Variants in HS6ST2 observed in about 807,000 individuals in gnomAD.
HS6ST2 encodes heparan-sulfate 6-O-sulfotransferase 2.
In HS6ST2, 17 loss-of-function variants were observed where a neutral mutation model predicts 33.0. That is an observed-to-expected ratio of 0.52 (90% CI 0.35 to 0.77). The LOEUF is 0.77. Ranked by LOEUF, HS6ST2 falls within the 30% of genes least tolerant of loss-of-function variation. The pLI, the probability that HS6ST2 is intolerant of heterozygous loss-of-function variation, is 0.01. For missense variants in HS6ST2, 519 were observed against 551.7 expected (o/e 0.94, Z 0.59); for synonymous variants, 248 against 237.1 (o/e 1.05, Z -0.42).
chrX:132,721,335 G>C (rs1363661642), intron 2 of HS6ST2, among the ~76,000 whole-genome samples: 1 of 111,977 alleles, frequency 8.9e-6, no homozygotes, highest in South Asian at 3.7e-4. Context: ...ATGAAGAGTG[G>C]ATAATGAAGA....
intron 3 of HS6ST2, among the ~76,000 whole-genome samples, chrX:132,705,319 C>T (rs759981646): frequency 1.3e-4 from 14 of 110,371 alleles, no homozygotes; most frequent in Admixed American, 5.8e-4. Context: ...TGCAAAAGTG[C>T]CAGAATCTCC....
intron 2 of HS6ST2, among the ~76,000 whole-genome samples, chrX:132,950,663 C>A (rs990216881): frequency 2.7e-5 from 3 of 111,586 alleles, no homozygotes; most frequent in Non-Finnish European, 5.6e-5. Context: ...AGTTGGGGGT[C>A]CTATGTTGTA....
chrX:132,919,502 G>A (rs1602873180), intron 2 of HS6ST2, among the ~76,000 whole-genome samples: 2 of 111,957 alleles, frequency 1.8e-5, no homozygotes, highest in East Asian at 5.6e-4. Context: ...AGATTTATAG[G>A]AGCTGAAAAA....
chrX:132,663,523 T>C (rs1477075647), intron 4 of HS6ST2, among the ~76,000 whole-genome samples: 1 of 112,370 alleles, frequency 8.9e-6, no homozygotes, highest in East Asian at 2.8e-4. Flanking sequence ...CGTCTTTTTC[T>C]ACAAAGGTGC....
chrX:132,753,436 C>T (rs1406187348), intron 2 of HS6ST2, among the ~76,000 whole-genome samples: 2 of 111,298 alleles, frequency 1.8e-5, no homozygotes, highest in Non-Finnish European at 3.8e-5. Flanking sequence ...ATAATTGACT[C>T]ATGGGGGCCG....
At chrX:132,728,645 T>C (rs2064422133) in intron 2 of HS6ST2, among the ~76,000 whole-genome samples, 1 of 111,831 alleles carries the variant, frequency 8.9e-6, no homozygotes, top group Middle Eastern at 4.2e-3. Context: ...CAGGAGGTGA[T>C]TTTATAAAAG....
intron 2 of HS6ST2, among the ~76,000 whole-genome samples, chrX:132,782,297 A>T (rs756351997): frequency 8.9e-6 from 1 of 111,891 alleles, no homozygotes; most frequent in African/African-American, 3.2e-5. Context: ...TCTGAGAGCC[A>T]TGGAACAGTT....
intron 3 of HS6ST2, among the ~76,000 whole-genome samples, chrX:132,675,203 G>T (rs1284244704): frequency 9.0e-6 from 1 of 110,562 alleles, no homozygotes; most frequent in African/African-American, 3.3e-5. Flanking sequence ...TTAGAGAAAT[G>T]GAACTGGAGC....
intron 3 of HS6ST2, among the ~76,000 whole-genome samples, chrX:132,707,439 T>C (rs1429277647): frequency 8.9e-6 from 1 of 112,616 alleles, no homozygotes. Context: ...AGTAAATCCA[T>C]TGAGGCTCTA....
intron 2 of HS6ST2, among the ~76,000 whole-genome samples, chrX:132,950,205 G>A (rs1050914101): frequency 2.7e-5 from 3 of 111,337 alleles, no homozygotes; most frequent in East Asian, 2.8e-4. Context: ...CCACTCCTAC[G>A]AAGGCAGGGA....
At chrX:132,865,547 C>A (rs1485372231) in intron 2 of HS6ST2, among the ~76,000 whole-genome samples, 2 of 110,667 alleles carry the variant, frequency 1.8e-5, no homozygotes, top group East Asian at 2.9e-4. Flanking sequence ...CCTGAGGAAT[C>A]ACCACACTGA....
chrX:132,651,770 C>A (rs1280185846), intron 4 of HS6ST2, among the ~76,000 whole-genome samples: 1 of 111,559 alleles, frequency 9.0e-6, no homozygotes, highest in Non-Finnish European at 1.9e-5. Context: ...CACTGCTGGG[C>A]CTGCCTGCCT....
chrX:132,635,426 C>T (rs1012039222), intron 4 of HS6ST2, among the ~76,000 whole-genome samples: 4 of 111,530 alleles, frequency 3.6e-5, no homozygotes, highest in Admixed American at 9.5e-5. Context: ...CCTGTCATTC[C>T]CTAATTAAGC....
intron 3 of HS6ST2, among the ~76,000 whole-genome samples, chrX:132,673,248 T>A (rs187878273): frequency 1.8e-5 from 2 of 112,529 alleles, no homozygotes; most frequent in East Asian, 5.6e-4. Flanking sequence ...AAATGGGCAG[T>A]CAAGAGGTAT....
intron 2 of HS6ST2, among the ~76,000 whole-genome samples, chrX:132,905,566 G>A (rs1334478611): frequency 9.0e-6 from 1 of 111,479 alleles, no homozygotes; most frequent in Non-Finnish European, 1.9e-5. Flanking sequence ...CTCAAATTCT[G>A]TTCCACTGGT....
At chrX:132,864,793 A>G (rs771913377) in intron 2 of HS6ST2, among the ~76,000 whole-genome samples, 1 of 110,236 alleles carries the variant, frequency 9.1e-6, no homozygotes, top group Non-Finnish European at 1.9e-5. Context: ...AGCAACCCTA[A>G]GACACGTAAT....
At chrX:132,865,374 T>C (rs2065962414) in intron 2 of HS6ST2, among the ~76,000 whole-genome samples, 2 of 110,763 alleles carry the variant, frequency 1.8e-5, no homozygotes, top group Non-Finnish European at 3.8e-5. Flanking sequence ...ATCCAGTCTA[T>C]CATTGTTGGA....
chrX:132,662,708 C>T (rs766594403), intron 4 of HS6ST2, among the ~76,000 whole-genome samples: 2 of 112,522 alleles, frequency 1.8e-5, no homozygotes, highest in South Asian at 7.4e-4. Context: ...ATATCCTAAC[C>T]ATCACAGAGA....
chrX:132,733,189 C>G (rs2064475691), intron 2 of HS6ST2, among the ~76,000 whole-genome samples: 1 of 111,822 alleles, frequency 8.9e-6, no homozygotes, highest in Non-Finnish European at 1.9e-5. Flanking sequence ...CTTTAGACAG[C>G]CCTGCAGTTC....
Sources: allele counts gnomAD v4.1 joint callset (sites outside exome capture counted in the v4.1 genomes callset), GRCh38; gene constraint gnomAD v4.1.1; transcripts MANE v1.5; gene names NCBI Gene and HGNC (gene_info 2026-07-23, HGNC 2026-07-21).